FIGN: variants seen among roughly 807,000 people sequenced by gnomAD.
FIGN encodes the protein fidgetin, microtubule severing factor, also known as fidgetin.
Under a neutral mutation model 51.3 loss-of-function variants are expected in FIGN, and 11 were observed. The observed-to-expected ratio is 0.21, with a 90% CI of 0.13 to 0.35. The LOEUF (loss-of-function observed/expected upper bound fraction) is 0.35, where lower values mean the gene tolerates loss of function less well. FIGN is among the 10% of genes least tolerant of loss of function. The pLI is 1.00. For missense variants in FIGN, 857 were observed against 943.6 expected (o/e 0.91, Z 1.20); for synonymous variants, 407 against 363.2 (o/e 1.12, Z -1.37).
At chr2:163,615,469 G>T (rs1281300466) in intron 2 of FIGN, among the ~76,000 whole-genome samples, 3 of 151,894 alleles carry the variant, frequency 2.0e-5, no homozygotes, top group East Asian at 1.9e-4. Context: ...TTATTTTTTT[G>T]TTGTTATTGT....
intron 2 of FIGN, among the ~76,000 whole-genome samples, chr2:163,714,424 C>A (rs966803150): frequency 2.0e-5 from 3 of 152,164 alleles, no homozygotes; most frequent in Non-Finnish European, 4.4e-5. Context: ...AAGTGTCCTG[C>A]GTCACCTCCC....
At chr2:163,634,969 A>T (rs575897397) in intron 2 of FIGN, among the ~76,000 whole-genome samples, 34 of 152,320 alleles carry the variant, frequency 2.2e-4, no homozygotes, top group African/African-American at 4.6e-4. Context: ...AAAATAATTT[A>T]AAAAAATCTA....
At chr2:163,723,279 A>C (rs1684788461) in intron 2 of FIGN, among the ~76,000 whole-genome samples, 3 of 152,152 alleles carry the variant, frequency 2.0e-5, no homozygotes, top group Non-Finnish European at 4.4e-5. Context: ...CAATTCACCA[A>C]ACATTTATTG....
At chr2:163,711,200 T>C (rs1398026956) in intron 2 of FIGN, among the ~76,000 whole-genome samples, 1 of 152,214 alleles carries the variant, frequency 6.6e-6, no homozygotes, top group Non-Finnish European at 1.5e-5. Flanking sequence ...GAATTCTAAT[T>C]GTGTTTAATA....
chr2:163,682,388 A>G (rs1447066710), intron 2 of FIGN, among the ~76,000 whole-genome samples: 1 of 137,996 alleles, frequency 7.2e-6, no homozygotes, highest in African/African-American at 2.7e-5. Context: ...CAATCCAGTA[A>G]TCCAACACAA....
chr2:163,657,260 C>T (rs1318896052), intron 2 of FIGN, among the ~76,000 whole-genome samples: 1 of 152,058 alleles, frequency 6.6e-6, no homozygotes, highest in Non-Finnish European at 1.5e-5. Context: ...GATTTTTGTT[C>T]AGTTCAATTT....
rs1222376007 is a variant in FIGN, at chr2:163,606,416, G to C, written c.*3136C>G. On this transcript the variant is annotated 3_prime_UTR_variant, in exon 3 of 3. Coordinates refer to ENST00000333129, the MANE Select transcript of FIGN (RefSeq NM_018086.4). ...GCTGCAGTTGGGAAGAAGGGAATTA[G>C]GGGCTGTAAAGTGGAATGGCTCAAT... The C allele has an allele frequency of 1.3e-5, 2 of 152,138 alleles. No individual in the cohort carries two copies. Among genetic ancestry groups the C allele is most frequent in the Admixed American group, 6.6e-5 (1 of 15,260 alleles). The allele number at this position is 152,138 out of a possible 1,614,324, so 9.4% of individuals were successfully genotyped here. A position where few individuals can be genotyped will look rare whatever the true frequency, so the allele number is the denominator to read the frequency against.
Position 163,609,257 on chromosome 2 carries a change from A to C in FIGN, c.*295T>G. ...AGAATGGAATCAACACACGAGGTTC[A>C]TGTCCTTCTGAAATCAACACACTTG... On this transcript the variant is annotated 3_prime_UTR_variant, in exon 3 of 3. Transcript: ENST00000333129. The C allele has an allele frequency of 2.9e-6, 1 of 343,870 alleles. No individual in the cohort carries two copies. 21.3% of individuals were successfully genotyped at this position (343,870 alleles called of 1,614,324 possible).
At chr2:163,624,322 AG>A (rs1683021445) in intron 2 of FIGN, among the ~76,000 whole-genome samples, 2 of 152,068 alleles carry the variant, frequency 1.3e-5, no homozygotes, top group Non-Finnish European at 2.9e-5. Flanking sequence ...CAGAATTGAA[AG>A]GTGAGCCTAT....
chr2:163,622,233 G>A (rs113712458), intron 2 of FIGN, among the ~76,000 whole-genome samples: 225 of 152,190 alleles, frequency 1.5e-3, no homozygotes, highest in African/African-American at 5.0e-3. Context: ...TACTGGGGAC[G>A]CTGAGGCACA....
intron 2 of FIGN, among the ~76,000 whole-genome samples, chr2:163,691,603 A>G (rs1345604250): frequency 6.6e-6 from 1 of 152,302 alleles, no homozygotes; most frequent in East Asian, 1.9e-4. Flanking sequence ...AACTAACACC[A>G]GTAAGTCAGA....
chr2:163,668,014 A>AC (rs57547572), intron 2 of FIGN, among the ~76,000 whole-genome samples: 11,390 of 106,724 alleles, frequency 0.11, 1,535 homozygotes, highest in African/African-American at 0.27. Flanking sequence ...CCTACCTCCA[A>AC]CCCCCCCCCC....
At chr2:163,632,198 A>G (rs1002619840) in intron 2 of FIGN, among the ~76,000 whole-genome samples, 3 of 152,206 alleles carry the variant, frequency 2.0e-5, no homozygotes, top group African/African-American at 7.2e-5. Context: ...AAAAAGTAAT[A>G]AAGTATTTTA....
At chr2:163,670,436 A>C (rs562593697) in intron 2 of FIGN, among the ~76,000 whole-genome samples, 1 of 152,326 alleles carries the variant, frequency 6.6e-6, no homozygotes, top group South Asian at 2.1e-4. Flanking sequence ...ACTAAACAGC[A>C]TGTAGTGCTA....
At chr2:163,666,724 A>T (rs1275101595) in intron 2 of FIGN, among the ~76,000 whole-genome samples, 1 of 152,136 alleles carries the variant, frequency 6.6e-6, no homozygotes, top group Admixed American at 6.6e-5. Flanking sequence ...TAATTTTCTA[A>T]TCCAACTCTG....
chr2:163,643,916 G>A (rs1683342943), intron 2 of FIGN, among the ~76,000 whole-genome samples: 2 of 78,868 alleles, frequency 2.5e-5, no homozygotes, highest in Admixed American at 2.1e-4. Context: ...TGGGCAACAA[G>A]AGCGAAACTC....
Position 163,609,729 on chromosome 2 carries a change from C to A in FIGN, c.2103G>T (p.Val701=), listed in dbSNP as rs1459223722. 2 of 1,614,064 alleles carry A rather than the reference C, an allele frequency of 1.2e-6. No homozygotes were observed. Among genetic ancestry groups the A allele is most frequent in the Admixed American group, 1.7e-5 (1 of 60,014 alleles). The change falls in exon 3 of 3, where the codon GTG becomes GTT. Residue 701 remains valine, a synonymous_variant. Transcript: ENST00000333129. ...CTGGCATGGCATGGAGGGGGCCCAC[C>A]ACTGCTTCCTGACACAAATGAGCCA... is the stretch of plus-strand genomic sequence containing the variant. The part of the protein sequence containing the change: ...LDVAHLCQEA[V]VGPLHAMPAT...
chr2:163,617,514 A>G (rs2105303429), intron 2 of FIGN, among the ~76,000 whole-genome samples: 1 of 152,270 alleles, frequency 6.6e-6, no homozygotes, highest in Non-Finnish European at 1.5e-5. Context: ...ACCATTCCAG[A>G]CATCCTCACT....
rs2231901 is a variant in FIGN at position 163,611,818 on chromosome 2, G to T, written c.26-12C>A. On this transcript the variant is annotated splice_polypyrimidine_tract_variant and intron_variant, in intron 2 of 2. Transcript: ENST00000333129. The stretch of plus-strand genomic sequence containing the variant: ...CTGCATCTTCAAGCCTAAGAATTTT[G>T]GGGGGAAAAGAGTTAATTTACTTAA... The T allele has an allele frequency of 0.017, 27,375 of 1,582,936 alleles. 325 individuals are homozygous for T. The highest frequency in any genetic ancestry group is 0.052 in the Middle Eastern group (277 of 5,348).
Sources: gnomAD v4.1 joint callset for allele counts (sites outside exome capture counted in the v4.1 genomes callset) on GRCh38, gnomAD v4.1.1 for gene constraint, MANE v1.5 for transcripts, NCBI Gene and HGNC (gene_info 2026-07-23, HGNC 2026-07-21) for gene names.